The following B3GALT1 variants were observed in gnomAD, a reference collection of about 807,000 sequenced individuals.
The protein encoded by B3GALT1 is beta-1,3-galactosyltransferase 1, also known as UDP-Gal:betaGlcNAc beta 1,3-galactosyltransferase, polypeptide 1.
A neutral mutation model predicts 23.2 loss-of-function variants in B3GALT1; 10 were observed. That is an observed-to-expected ratio of 0.43 (90% CI 0.27 to 0.73). The LOEUF is 0.73. Ranked by LOEUF, B3GALT1 falls within the 30% of genes least tolerant of loss-of-function variation. B3GALT1 has a pLI of 0.21. For missense variants in B3GALT1, 299 were observed against 405.4 expected (o/e 0.74, Z 2.25); for synonymous variants, 156 against 141.5 (o/e 1.10, Z -0.73).
At chr2:167,815,580 A>G (rs1688979598) in intron 3 of B3GALT1, among the ~76,000 whole-genome samples, 1 of 152,176 alleles carries the variant, frequency 6.6e-6, no homozygotes, top group African/African-American at 2.4e-5. Flanking sequence ...ATGTCCAAAT[A>G]TTATTACTGT....
intron 2 of B3GALT1, among the ~76,000 whole-genome samples, chr2:167,641,484 G>T (rs1685651969): frequency 1.3e-5 from 2 of 152,132 alleles, no homozygotes; most frequent in Admixed American, 6.5e-5. Context: ...GACCATATGG[G>T]TATTGTGCAC....
intron 3 of B3GALT1, among the ~76,000 whole-genome samples, chr2:167,660,931 A>G (rs1441127148): frequency 6.6e-6 from 1 of 152,142 alleles, no homozygotes; most frequent in Non-Finnish European, 1.5e-5. Context: ...ACCCTAACAC[A>G]TTTACAAATT....
chr2:167,628,962 C>T (rs78101237), intron 2 of B3GALT1, among the ~76,000 whole-genome samples: 1,686 of 151,596 alleles, frequency 0.011, 14 homozygotes, highest in South Asian at 0.038. Context: ...GAAGAAAATG[C>T]GCCAGAATCT....
chr2:167,445,523 G>T (rs1698969127), intron 1 of B3GALT1, among the ~76,000 whole-genome samples: 1 of 152,148 alleles, frequency 6.6e-6, no homozygotes, highest in South Asian at 2.1e-4. Context: ...GGTCTCTAAA[G>T]ACTTGCTTTA....
At chr2:167,664,888 T>C (rs374259505) in intron 3 of B3GALT1, among the ~76,000 whole-genome samples, 1 of 150,014 alleles carries the variant, frequency 6.7e-6, no homozygotes, top group Non-Finnish European at 1.5e-5. Context: ...TTTCTAGATA[T>C]ACAATCATGT....
intron 3 of B3GALT1, among the ~76,000 whole-genome samples, chr2:167,809,670 C>T (rs554971812): frequency 3.0e-4 from 45 of 152,258 alleles, no homozygotes; most frequent in East Asian, 7.7e-4. Context: ...AGTACCCAGC[C>T]GTATGAGGTG....
At chr2:167,715,981 T>G (rs1574227829) in intron 3 of B3GALT1, 51 of 1,612,272 alleles carry the variant, frequency 3.2e-5, no homozygotes, top group Non-Finnish European at 4.2e-5. Flanking sequence ...TGTCTCATAC[T>G]CTCAGGTAGT....
At chr2:167,408,590 A>G (rs142953430) in intron 1 of B3GALT1, among the ~76,000 whole-genome samples, 1 of 152,268 alleles carries the variant, frequency 6.6e-6, no homozygotes, top group African/African-American at 2.4e-5. Flanking sequence ...AAACCCACCT[A>G]AAGACTGCAA....
chr2:167,336,725 G>A (rs997951678), intron 1 of B3GALT1, among the ~76,000 whole-genome samples: 7 of 152,044 alleles, frequency 4.6e-5, no homozygotes, highest in Admixed American at 3.3e-4. Flanking sequence ...TGCAGTAGAT[G>A]TAGTATTTTA....
chr2:167,822,758 A>G (rs1046171329), intron 4 of B3GALT1, among the ~76,000 whole-genome samples: 1 of 151,148 alleles, frequency 6.6e-6, no homozygotes, highest in Non-Finnish European at 1.5e-5. Context: ...CTCAAAATTC[A>G]CTCCTCCACA....
At chr2:167,398,716 G>A (rs962474120) in intron 1 of B3GALT1, among the ~76,000 whole-genome samples, 6 of 152,146 alleles carry the variant, frequency 3.9e-5, no homozygotes, top group Non-Finnish European at 8.8e-5. Context: ...ACTGCTCAGA[G>A]TATCATTCAC....
At chr2:167,575,702 C>T (rs1163364488) in intron 2 of B3GALT1, among the ~76,000 whole-genome samples, 1 of 151,822 alleles carries the variant, frequency 6.6e-6, no homozygotes, top group Non-Finnish European at 1.5e-5. Flanking sequence ...ATCTCCAAAG[C>T]ACCTTTTAAT....
At chr2:167,601,940 A>G (rs1684885053) in intron 2 of B3GALT1, among the ~76,000 whole-genome samples, 1 of 152,212 alleles carries the variant, frequency 6.6e-6, no homozygotes. Flanking sequence ...TAAAATGGTG[A>G]CCTTCAAAGT....
chr2:167,461,442 C>T (rs115482192), intron 1 of B3GALT1, among the ~76,000 whole-genome samples: 3,882 of 152,230 alleles, frequency 0.026, 62 homozygotes, highest in Non-Finnish European at 0.038. Flanking sequence ...CCTGGTGCTT[C>T]CTACTTCACC....
intron 3 of B3GALT1, among the ~76,000 whole-genome samples, chr2:167,659,791 T>A (rs1686023722): frequency 6.6e-6 from 1 of 152,018 alleles, no homozygotes; most frequent in Non-Finnish European, 1.5e-5. Context: ...CACCAATAGT[T>A]GAGTCTTAGG....
At chr2:167,439,848 G>C (rs1248617135) in intron 1 of B3GALT1, among the ~76,000 whole-genome samples, 2 of 149,906 alleles carry the variant, frequency 1.3e-5, no homozygotes, top group Non-Finnish European at 3.0e-5. Context: ...TACAGTTTCA[G>C]CCTCAATGTG....
chr2:167,448,996 A>G (rs780952798), intron 1 of B3GALT1, among the ~76,000 whole-genome samples: 28 of 152,060 alleles, frequency 1.8e-4, no homozygotes, highest in Non-Finnish European at 2.8e-4. Context: ...TTTGGTGACT[A>G]TGGGCTTATG....
chr2:167,342,639 G>A (rs1257215948), intron 1 of B3GALT1, among the ~76,000 whole-genome samples: 3 of 151,588 alleles, frequency 2.0e-5, no homozygotes, highest in Admixed American at 6.6e-5. Context: ...AATACTGCTG[G>A]AAATGAGTGC....
At chr2:167,689,468 C>T (rs1686675075) in intron 3 of B3GALT1, among the ~76,000 whole-genome samples, 1 of 152,134 alleles carries the variant, frequency 6.6e-6, no homozygotes, top group African/African-American at 2.4e-5. Context: ...GAACATCCAG[C>T]AGGAAGAAAG....
Sources: allele counts gnomAD v4.1 joint callset (sites outside exome capture counted in the v4.1 genomes callset), GRCh38; gene constraint gnomAD v4.1.1; transcripts MANE v1.5; gene names NCBI Gene and HGNC (gene_info 2026-07-23, HGNC 2026-07-21).